The following ARPP21 variants were observed in gnomAD, a reference collection of about 807,000 sequenced individuals.
The protein encoded by ARPP21 is cAMP regulated phosphoprotein 21, also known as cAMP-regulated phosphoprotein 21.
Under a neutral mutation model 113.2 loss-of-function variants are expected in ARPP21, and 69 were observed. The ratio of observed to expected loss-of-function variants is 0.61; its 90% confidence interval spans 0.50 to 0.74. ARPP21 has a LOEUF of 0.74. Ranked by LOEUF, ARPP21 falls within the 30% of genes least tolerant of loss-of-function variation. The pLI is 0.00. For synonymous variants in ARPP21, 368 were observed against 375.5 expected (o/e 0.98, Z 0.23); for missense variants, 1,070 against 1,037.4 (o/e 1.03, Z -0.43).
At chr3:35,788,317 G>A (rs2096673597) in intron 19 of ARPP21, among the ~76,000 whole-genome samples, 1 of 152,136 alleles carries the variant, frequency 6.6e-6, no homozygotes, top group African/African-American at 2.4e-5. Context: ...GCTCTTGCTG[G>A]TTCCTTTGAA....
intron 19 of ARPP21, among the ~76,000 whole-genome samples, chr3:35,757,835 ACT>A (rs1426080975): frequency 6.6e-6 from 1 of 152,070 alleles, no homozygotes; most frequent in Non-Finnish European, 1.5e-5. Flanking sequence ...TTTATTCAAA[ACT>A]CATTATTTTA....
At chr3:35,760,122 G>T (rs2095713341) in intron 19 of ARPP21, among the ~76,000 whole-genome samples, 1 of 151,944 alleles carries the variant, frequency 6.6e-6, no homozygotes, top group African/African-American at 2.4e-5. Flanking sequence ...GACATGCCAG[G>T]GTTTATTCAA....
chr3:35,726,108 A>G (rs1025612207), intron 14 of ARPP21, among the ~76,000 whole-genome samples: 5 of 152,084 alleles, frequency 3.3e-5, no homozygotes, highest in East Asian at 1.9e-4. Context: ...CAATTCTTAT[A>G]GAGAAACTAG....
In ARPP21 at chr3:35,721,827, C is replaced by T. The variant is rs752001352; in HGVS notation, c.1218C>T (p.Ser406=). The change falls in exon 14 of 21, where the codon TCC becomes TCT. Residue 406 remains serine, a synonymous_variant. Coordinates refer to ENST00000684406, the MANE Select transcript of ARPP21 (RefSeq NM_001385562.1). ...GTACTAGGAGTACCGGGAAGCTGTC[C>T]AAAGCAGGTAGTTAGTACTGAATGT... ...TSSTRSTGKL[S]KAGSESSSSA... 6.2e-7 allele frequency: 1 copy of T among 1,600,186 alleles called. No homozygotes were observed. The highest frequency in any genetic ancestry group is 8.5e-7 in the Non-Finnish European group (1 of 1,172,064).
intron 19 of ARPP21, among the ~76,000 whole-genome samples, chr3:35,786,392 C>T (rs945343699): frequency 2.0e-5 from 3 of 151,730 alleles, no homozygotes; most frequent in Admixed American, 6.6e-5. Flanking sequence ...TGTGGTGGTG[C>T]GTGCCTGTTT....
At chr3:35,784,449 A>C (rs1176512951) in intron 19 of ARPP21, among the ~76,000 whole-genome samples, 1 of 152,232 alleles carries the variant, frequency 6.6e-6, no homozygotes, top group Non-Finnish European at 1.5e-5. Flanking sequence ...GTTTTCCAGC[A>C]GACTACTGAT....
intron 1 of ARPP21, among the ~76,000 whole-genome samples, chr3:35,667,947 A>AG (rs1256811047): frequency 2.4e-5 from 3 of 127,382 alleles, no homozygotes; most frequent in African/African-American, 9.4e-5. Context: ...GGAGAAGAAG[A>AG]AAAGAAGAAG....
Position 35,729,386 on chromosome 3 carries a change from G to A in ARPP21, c.1309G>A (p.Gly437Ser). The change falls in exon 15 of 21, where the codon GGT (glycine) becomes AGT (serine). Residue 437 changes from glycine to serine, a missense_variant. Coordinates refer to ENST00000684406, the MANE Select transcript of ARPP21 (RefSeq NM_001385562.1). Reference protein sequence around the residue: ...PPLQSTPLVSGVAAGSPGCVP... With the variant: ...PPLQSTPLVSSVAAGSPGCVP... ...TCTCCAGAGCACACCCCTAGTCTCAGGTGTGGCAGCTGGCTCTCCAGGCTG... is the reference window on the plus strand; with the variant it reads ...TCTCCAGAGCACACCCCTAGTCTCAAGTGTGGCAGCTGGCTCTCCAGGCTG... 3 of 1,614,162 alleles carry A rather than the reference G, an allele frequency of 1.9e-6. No individual in the cohort carries two copies. Among genetic ancestry groups the A allele is most frequent in the Non-Finnish European group, 2.5e-6 (3 of 1,180,030 alleles).
chr3:35,685,607 T>C (rs1192180512), intron 5 of ARPP21: 2 of 985,244 alleles, frequency 2.0e-6, no homozygotes, highest in East Asian at 2.3e-4. Context: ...TCACAGTATT[T>C]GGAAAACTGC....
intron 1 of ARPP21, among the ~76,000 whole-genome samples, chr3:35,657,229 T>C (rs900045479): frequency 3.9e-5 from 6 of 152,064 alleles, no homozygotes; most frequent in Non-Finnish European, 5.9e-5. Context: ...TCCAGTTACC[T>C]CCCACATATA....
At chr3:35,708,134 C>A (rs1466764022) in intron 10 of ARPP21, among the ~76,000 whole-genome samples, 1 of 151,998 alleles carries the variant, frequency 6.6e-6, no homozygotes, top group Non-Finnish European at 1.5e-5. Context: ...TACACCATGG[C>A]TCCTGTTGAC....
intron 19 of ARPP21, among the ~76,000 whole-genome samples, chr3:35,773,275 C>A (rs939853005): frequency 6.6e-6 from 1 of 152,144 alleles, no homozygotes; most frequent in African/African-American, 2.4e-5. Flanking sequence ...AAGGGTATTA[C>A]ATGGCTTAAT....
In ARPP21 at chr3:35,679,956, CA is replaced by C. The variant is rs1352044010; in HGVS notation, c.-40del. On this transcript the variant is annotated 5_prime_UTR_variant, in exon 2 of 21. An upstream open reading frame in the 5' UTR loses its in-frame stop. Coordinates refer to ENST00000684406, the MANE Select transcript of ARPP21 (RefSeq NM_001385562.1). ...AAGACCTACAGCAGGAATTCTGCAC[CA>C]AAGGTAAAGGTCTTGTTGTCTGGCT... 1.3e-5 allele frequency: 2 copies of C among 152,148 alleles called. No homozygotes were observed. Among genetic ancestry groups the C allele is most frequent in the African/African-American group, 4.8e-5 (2 of 41,350 alleles). The allele number at this position is 152,148 out of a possible 1,614,324, so 9.4% of individuals were successfully genotyped here.
chr3:35,693,501 T>C (rs1294935729), intron 9 of ARPP21, among the ~76,000 whole-genome samples: 1 of 151,630 alleles, frequency 6.6e-6, no homozygotes, highest in Non-Finnish European at 1.5e-5. Flanking sequence ...AATCTCTGTA[T>C]CCAAATAGGA....
intron 19 of ARPP21, among the ~76,000 whole-genome samples, chr3:35,748,456 GAAAA>G (rs1407847786): frequency 7.3e-5 from 10 of 137,572 alleles, no homozygotes; most frequent in African/African-American, 2.5e-4. Context: ...AGAAAAGAAA[GAAAA>G]AGAAAGAGAG....
At chr3:35,756,882 T>C (rs2095589829) in intron 19 of ARPP21, among the ~76,000 whole-genome samples, 3 of 152,122 alleles carry the variant, frequency 2.0e-5, no homozygotes, top group Admixed American at 2.0e-4. Flanking sequence ...TTTTGAGTAT[T>C]GTAGGAATAT....
chr3:35,651,754 T>C (rs1702486048), intron 1 of ARPP21: 1 of 152,058 alleles, frequency 6.6e-6, no homozygotes, highest in African/African-American at 2.4e-5. Flanking sequence ...AGTTTTGGAG[T>C]TTCTTATGTC....
chr3:35,701,752 G>A (rs1231972398), intron 9 of ARPP21, among the ~76,000 whole-genome samples: 2 of 151,384 alleles, frequency 1.3e-5, no homozygotes, highest in East Asian at 3.9e-4. Flanking sequence ...GCAATAAAGG[G>A]AGTGATTGAC....
chr3:35,718,607 A>C (rs4678798), intron 13 of ARPP21, among the ~76,000 whole-genome samples: 116,106 of 152,058 alleles, frequency 0.76, 44,899 homozygotes, highest in East Asian at 0.88. Flanking sequence ...CCACCCAAAT[A>C]ACCAAGCACA....
Sources: gnomAD v4.1 joint callset for allele counts (sites outside exome capture counted in the v4.1 genomes callset) on GRCh38, gnomAD v4.1.1 for gene constraint, MANE v1.5 for transcripts, NCBI Gene and HGNC (gene_info 2026-07-23, HGNC 2026-07-21) for gene names.